SPTBN1: variants seen among roughly 807,000 people sequenced by gnomAD.
SPTBN1 encodes spectrin beta, non-erythrocytic 1.
Under a neutral mutation model 266.4 loss-of-function variants are expected in SPTBN1, and 32 were observed. That is an observed-to-expected ratio of 0.12 (90% CI 0.09 to 0.16). The LOEUF is 0.16. Ranked by LOEUF, SPTBN1 falls within the 10% of genes least tolerant of loss-of-function variation. The probability of loss-of-function intolerance (pLI) is 1.00; values close to 1 mark genes in which losing one functional copy is unlikely to be tolerated. For synonymous variants in SPTBN1, 1,336 were observed against 1,162.2 expected (o/e 1.15, Z -3.04); for missense variants, 2,296 against 3,067.1 (o/e 0.75, Z 5.94).
At position 54,660,038 on chromosome 2, in the gene SPTBN1, C is replaced by T. The variant is rs1425766070; in HGVS notation, c.6420+39C>T. ...CTCAAACCTACCAAAACTACAAAAA[C>T]TTTAATAGCAGACGGACAGCCAGTG... On this transcript the variant is annotated intron_variant, in intron 32 of 35. Coordinates refer to ENST00000356805, the MANE Select transcript of SPTBN1 (RefSeq NM_003128.3). 3.7e-6 allele frequency: 6 copies of T among 1,614,100 alleles called. No homozygotes were observed. In the East Asian group the frequency reaches 1.1e-4, roughly 30 times the overall value.
intron 1 of SPTBN1, among the ~76,000 whole-genome samples, chr2:54,486,821 T>G (rs1465862112): frequency 6.6e-6 from 1 of 151,718 alleles, no homozygotes; most frequent in Admixed American, 6.6e-5. Flanking sequence ...TAGATTTTGA[T>G]GTTGATTTAG....
chr2:54,558,450 T>C lies in SPTBN1; in HGVS notation c.148+31884T>C. The C allele has an allele frequency of 1.9e-6, 2 of 1,041,192 alleles. No homozygotes were observed. The highest frequency in any genetic ancestry group is 2.3e-6 in the Non-Finnish European group (2 of 865,716). 64.5% of individuals were successfully genotyped at this position (1,041,192 alleles called of 1,614,324 possible). ...CTCGGCAACCGTGGCATGCTTAGGA[T>C]TGGCCATATTTAAAAGTTCTGAAGT... On this transcript the variant is annotated intron_variant, in intron 2 of 35. Coordinates refer to ENST00000356805, the MANE Select transcript of SPTBN1 (RefSeq NM_003128.3). The surrounding 1 kb of genome is among the most constrained non-coding windows in gnomAD (Gnocchi z 4.6).
intron 1 of SPTBN1, among the ~76,000 whole-genome samples, chr2:54,480,240 A>G (rs1668031189): frequency 6.6e-6 from 1 of 152,218 alleles, no homozygotes; most frequent in African/African-American, 2.4e-5. Flanking sequence ...TGGCGCTGAG[A>G]TACAGAATGG....
chr2:54,597,008 A>G (rs1676136494), intron 2 of SPTBN1, among the ~76,000 whole-genome samples: 1 of 152,238 alleles, frequency 6.6e-6, no homozygotes, highest in Non-Finnish European at 1.5e-5. Context: ...AAAGAGTGAC[A>G]ATTGGCTGAG....
chr2:54,523,235 T>C (rs1670594722), intron 1 of SPTBN1, among the ~76,000 whole-genome samples: 1 of 152,260 alleles, frequency 6.6e-6, no homozygotes, highest in African/African-American at 2.4e-5. Flanking sequence ...TTTGTGTTTT[T>C]ATGAAATCCC....
chr2:54,611,336 C>G (rs1429895988), intron 3 of SPTBN1, among the ~76,000 whole-genome samples: 4 of 152,074 alleles, frequency 2.6e-5, no homozygotes, highest in Non-Finnish European at 5.9e-5. Flanking sequence ...TCAGGCCCAA[C>G]TAAAGGTCAA....
At chr2:54,575,832 A>T (rs1355117610) in intron 2 of SPTBN1, among the ~76,000 whole-genome samples, 1 of 152,210 alleles carries the variant, frequency 6.6e-6, no homozygotes, top group Non-Finnish European at 1.5e-5. Flanking sequence ...GTGTACAGAC[A>T]TTTGAGAGGC....
chr2:54,625,710 C>G (rs542209298), intron 11 of SPTBN1, among the ~76,000 whole-genome samples: 17 of 152,228 alleles, frequency 1.1e-4, no homozygotes, highest in Admixed American at 3.3e-4. Context: ...CCTGCCTTAG[C>G]CTACCAAGTA....
intron 1 of SPTBN1, among the ~76,000 whole-genome samples, chr2:54,487,253 T>A (rs1208528001): frequency 6.6e-6 from 1 of 151,634 alleles, no homozygotes; most frequent in East Asian, 1.9e-4. Flanking sequence ...ATAGATTACT[T>A]GGTTTCCAAC....
At chr2:54,585,373 A>C (rs1001673847) in intron 2 of SPTBN1, among the ~76,000 whole-genome samples, 2 of 152,326 alleles carry the variant, frequency 1.3e-5, no homozygotes, top group African/African-American at 4.8e-5. Context: ...CCTGTTGGCT[A>C]GTCATCTTGG....
chr2:54,507,776 C>T (rs1669651172), intron 1 of SPTBN1, among the ~76,000 whole-genome samples: 2 of 146,142 alleles, frequency 1.4e-5, no homozygotes, highest in South Asian at 2.2e-4. Flanking sequence ...AAAAATAGCA[C>T]TCTTCATTTA....
intron 1 of SPTBN1, among the ~76,000 whole-genome samples, chr2:54,487,174 T>C (rs1026533165): frequency 7.6e-6 from 1 of 131,536 alleles, no homozygotes; most frequent in African/African-American, 2.5e-5. Context: ...GGATTTCTTT[T>C]TTTTTTTTTT....
intron 1 of SPTBN1, among the ~76,000 whole-genome samples, chr2:54,525,078 A>G (rs1670719310): frequency 6.6e-6 from 1 of 152,210 alleles, no homozygotes; most frequent in Admixed American, 6.5e-5. Flanking sequence ...CTGGTCCAGC[A>G]CAGAGTACGT....
chr2:54,542,917 G>C (rs536518240), intron 2 of SPTBN1, among the ~76,000 whole-genome samples: 1 of 152,188 alleles, frequency 6.6e-6, no homozygotes, highest in African/African-American at 2.4e-5. Flanking sequence ...CCTTTCTATC[G>C]TGTGGCCTCT....
At chr2:54,647,406 C>A in intron 24 of SPTBN1, 145 bp downstream of exon 24, 2 of 1,142,632 alleles carry the variant, frequency 1.8e-6, no homozygotes, top group Non-Finnish European at 1.2e-6. Flanking sequence ...TAAAACAGAC[C>A]CATCATTTAA....
In SPTBN1 at chr2:54,671,315, G is replaced by A. The variant is rs1681675951; in HGVS notation, c.*2746G>A. 2.0e-5 allele frequency: 3 copies of A among 152,358 alleles called. No individual in the cohort carries two copies. Among genetic ancestry groups the A allele is most frequent in the Admixed American group, 2.0e-4 (3 of 15,288 alleles). The allele number at this position is 152,358 out of a possible 1,614,324, so 9.4% of individuals were successfully genotyped here. ...GGTGAAACACTGTATCAGACTGGGTGATGGGCACATTGTCATTTCACCAAG... is the reference window on the plus strand; with the variant it reads ...GGTGAAACACTGTATCAGACTGGGTAATGGGCACATTGTCATTTCACCAAG... On this transcript the variant is annotated 3_prime_UTR_variant, in exon 36 of 36. Coordinates refer to ENST00000356805, the MANE Select transcript of SPTBN1 (RefSeq NM_003128.3).
Position 54,629,298 on chromosome 2 carries a change from A to T in SPTBN1, c.2164A>T (p.Ile722Phe). 1 of 1,614,074 alleles carries T rather than the reference A, an allele frequency of 6.2e-7. No homozygotes were observed. The highest frequency in any genetic ancestry group is 1.1e-5 in the South Asian group (1 of 91,086). ...GAAGATCCGTGAGAGGATCATTTAC[A>T]TCCGGGAGCAGTGGGCCAACCTAGA... is the stretch of plus-strand genomic sequence containing the variant. Reference protein sequence around the residue: ...SEKIRERIIYIREQWANLEQL... With the variant: ...SEKIRERIIYFREQWANLEQL... The change falls in exon 14 of 36, where the codon ATC becomes TTC. Residue 722 changes from isoleucine (I) to phenylalanine (F), a missense_variant. Ile to Phe is a conservative substitution (Grantham distance 21, BLOSUM62 0). Coordinates refer to ENST00000356805, the MANE Select transcript of SPTBN1 (RefSeq NM_003128.3).
At chr2:54,569,917 T>C (rs1573436712) in intron 2 of SPTBN1, among the ~76,000 whole-genome samples, 1 of 151,930 alleles carries the variant, frequency 6.6e-6, no homozygotes, top group South Asian at 2.1e-4. Flanking sequence ...TGGTTTCCTT[T>C]AGCATGTTGG....
At chr2:54,565,835 CTG>C (rs1308458430) in intron 2 of SPTBN1, among the ~76,000 whole-genome samples, 1 of 152,216 alleles carries the variant, frequency 6.6e-6, no homozygotes, top group Admixed American at 6.5e-5. Flanking sequence ...GTTTCCATGA[CTG>C]TATTCCTTTT....
Sources: allele counts gnomAD v4.1 joint callset (sites outside exome capture counted in the v4.1 genomes callset), GRCh38; gene constraint gnomAD v4.1.1; non-coding constraint Gnocchi (gnomAD v3.1); transcripts MANE v1.5; gene names NCBI Gene and HGNC (gene_info 2026-07-23, HGNC 2026-07-21).